The following MYRIP variants were observed in gnomAD, a reference collection of about 807,000 sequenced individuals.
MYRIP encodes rab effector MyRIP.
MYRIP carries 49 observed loss-of-function variants against 98.0 expected under a neutral mutation model. The observed-to-expected ratio is 0.50, with a 90% CI of 0.40 to 0.63. MYRIP has a LOEUF of 0.63. Ranked by LOEUF, MYRIP falls within the 30% of genes least tolerant of loss-of-function variation. MYRIP has a pLI of 0.00. For missense variants in MYRIP, 1,004 were observed against 1,058.2 expected, an observed-to-expected ratio of 0.95 and a Z score of 0.71; for synonymous variants, 404 against 409.5, an observed-to-expected ratio of 0.99 and a Z score of 0.16.
chr3:39,813,262 C>T (rs1402500356), intron 1 of MYRIP, among the ~76,000 whole-genome samples: 1 of 152,110 alleles, frequency 6.6e-6, no homozygotes, highest in Admixed American at 6.5e-5. Context: ...CAGAGCATGC[C>T]CAAGTGACCC....
At chr3:39,904,484 C>G (rs1486841914) in intron 2 of MYRIP, among the ~76,000 whole-genome samples, 1 of 152,170 alleles carries the variant, frequency 6.6e-6, no homozygotes, top group Non-Finnish European at 1.5e-5. Context: ...AATCTGCCCA[C>G]CTCGGCCTCC....
At chr3:40,256,517 A>G (rs1953596267) in intron 16 of MYRIP, among the ~76,000 whole-genome samples, 2 of 152,088 alleles carry the variant, frequency 1.3e-5, no homozygotes. Flanking sequence ...CTACATCTAC[A>G]TCTAGAAGTT....
At chr3:39,956,422 A>G (rs949992041) in intron 2 of MYRIP, among the ~76,000 whole-genome samples, 1 of 152,230 alleles carries the variant, frequency 6.6e-6, no homozygotes, top group Non-Finnish European at 1.5e-5. Flanking sequence ...CTGCTCCTGA[A>G]TGACTAATGG....
intron 3 of MYRIP, among the ~76,000 whole-genome samples, chr3:40,079,175 G>C (rs1948420540): frequency 6.6e-6 from 1 of 152,206 alleles, no homozygotes; most frequent in Non-Finnish European, 1.5e-5. Flanking sequence ...TTGACTGTTC[G>C]AAGATCACAC....
At chr3:40,096,519 G>A (rs1251442033) in intron 3 of MYRIP, among the ~76,000 whole-genome samples, 1 of 152,174 alleles carries the variant, frequency 6.6e-6, no homozygotes, top group East Asian at 1.9e-4. Flanking sequence ...TTGACTCCCC[G>A]CAACCACAGC....
intron 2 of MYRIP, among the ~76,000 whole-genome samples, chr3:39,919,748 G>GAA (rs1944265988): frequency 6.6e-6 from 1 of 150,796 alleles, no homozygotes; most frequent in African/African-American, 2.5e-5. Flanking sequence ...GAGAGAGAGA[G>GAA]AAATTCATTG....
At chr3:39,889,150 G>A (rs1298461712) in intron 1 of MYRIP, among the ~76,000 whole-genome samples, 3 of 152,018 alleles carry the variant, frequency 2.0e-5, no homozygotes, top group Non-Finnish European at 2.9e-5. Flanking sequence ...AACTAGAAAT[G>A]CCATTTGACC....
chr3:40,078,711 C>T (rs929054726), intron 3 of MYRIP, among the ~76,000 whole-genome samples: 2 of 152,186 alleles, frequency 1.3e-5, no homozygotes, highest in African/African-American at 4.8e-5. Context: ...TTTCCTCACC[C>T]CCAAGCCTCC....
chr3:39,831,754 A>G (rs1941454541), intron 1 of MYRIP, among the ~76,000 whole-genome samples: 1 of 152,218 alleles, frequency 6.6e-6, no homozygotes, highest in Non-Finnish European at 1.5e-5. Context: ...TGAAATTCTA[A>G]TTAATTAAAA....
intron 3 of MYRIP, chr3:40,099,892 G>A: frequency 1.4e-6 from 1 of 721,320 alleles, no homozygotes; most frequent in Non-Finnish European, 1.7e-6. Context: ...AAACCGGGCA[G>A]CTTTAAATGA....
chr3:39,922,490 C>T (rs1414195479), intron 2 of MYRIP, among the ~76,000 whole-genome samples: 1 of 152,200 alleles, frequency 6.6e-6, no homozygotes, highest in Non-Finnish European at 1.5e-5. Flanking sequence ...AAGGAAGCTC[C>T]CTCCCAGCCA....
At chr3:40,027,091 T>G (rs1410610683) in intron 2 of MYRIP, among the ~76,000 whole-genome samples, 1 of 152,078 alleles carries the variant, frequency 6.6e-6, no homozygotes, top group Non-Finnish European at 1.5e-5. Context: ...GGCATTGCTC[T>G]TCAGATGCCT....
chr3:40,203,679 T>A (rs970854063), intron 10 of MYRIP, among the ~76,000 whole-genome samples: 1 of 133,540 alleles, frequency 7.5e-6, no homozygotes, highest in Non-Finnish European at 1.6e-5. Context: ...ATTTTTATAT[T>A]TTTATATATA....
At chr3:40,143,776 T>A (rs932146099) in intron 3 of MYRIP, among the ~76,000 whole-genome samples, 1 of 152,212 alleles carries the variant, frequency 6.6e-6, no homozygotes, top group African/African-American at 2.4e-5. Context: ...ACACATCTTA[T>A]CATTTTTGTG....
At chr3:39,991,112 A>C (rs979308486) in intron 2 of MYRIP, among the ~76,000 whole-genome samples, 1 of 152,226 alleles carries the variant, frequency 6.6e-6, no homozygotes, top group Non-Finnish European at 1.5e-5. Flanking sequence ...ACAAAACTGC[A>C]CATTCTGTAT....
intron 12 of MYRIP, 145 bp downstream of exon 12, chr3:40,234,198 A>C (rs1952754079): frequency 1.1e-6 from 1 of 879,390 alleles, no homozygotes; most frequent in Non-Finnish European, 1.6e-6. Flanking sequence ...CTCAGGAAGG[A>C]CCTTAGGTTG....
At chr3:39,988,040 C>G (rs183004568) in intron 2 of MYRIP, among the ~76,000 whole-genome samples, 2 of 152,174 alleles carry the variant, frequency 1.3e-5, no homozygotes, top group African/African-American at 4.8e-5. Context: ...AATCATCATT[C>G]TCAGTAAACT....
At chr3:40,167,645 C>T (rs769440260) in intron 7 of MYRIP, among the ~76,000 whole-genome samples, 8 of 152,222 alleles carry the variant, frequency 5.3e-5, no homozygotes, top group African/African-American at 9.6e-5. Flanking sequence ...GGGCCCAGTC[C>T]CACAAGACTG....
chr3:39,812,151 C>A (rs1005866400), intron 1 of MYRIP, among the ~76,000 whole-genome samples: 3 of 152,128 alleles, frequency 2.0e-5, no homozygotes, highest in African/African-American at 7.2e-5. Context: ...GTAACCAGTG[C>A]CCTGATTAAG....
Sources: gnomAD v4.1 joint callset for allele counts (sites outside exome capture counted in the v4.1 genomes callset) on GRCh38, gnomAD v4.1.1 for gene constraint, MANE v1.5 for transcripts, NCBI Gene and HGNC (gene_info 2026-07-23, HGNC 2026-07-21) for gene names.